Variants in WDR20 observed in about 807,000 individuals in gnomAD.
The protein encoded by WDR20 is WD repeat domain 20.
WDR20 carries 3 observed loss-of-function variants against 38.7 expected under a neutral mutation model. The observed-to-expected ratio is 0.08, with a 90% CI of 0.04 to 0.20. The LOEUF (loss-of-function observed/expected upper bound fraction) is 0.20, where lower values mean the gene tolerates loss of function less well. Among genes scored for constraint, WDR20 ranks in the 10% least tolerant of loss-of-function variants. The probability of loss-of-function intolerance (pLI) is 1.00; values close to 1 mark genes in which losing one functional copy is unlikely to be tolerated. For synonymous variants in WDR20, 298 were observed against 285.6 expected (o/e 1.04, Z -0.44); for missense variants, 559 against 727.7 (o/e 0.77, Z 2.67).
chr14:102,156,923 G>C (rs538297641), intron 1 of WDR20, among the ~76,000 whole-genome samples: 8 of 152,094 alleles, frequency 5.3e-5, no homozygotes, highest in Non-Finnish European at 1.0e-4. Flanking sequence ...CCTGGGAGGC[G>C]GAGGTTGAGT....
intron 1 of WDR20, among the ~76,000 whole-genome samples, chr14:102,151,822 C>G (rs1034406579): frequency 6.6e-6 from 1 of 151,816 alleles, no homozygotes; most frequent in Non-Finnish European, 1.5e-5. Flanking sequence ...TCACTGCAGC[C>G]TCAACCTTCT....
At chr14:102,151,220 T>C (rs2055716207) in intron 1 of WDR20, among the ~76,000 whole-genome samples, 2 of 145,742 alleles carry the variant, frequency 1.4e-5, no homozygotes, top group Admixed American at 1.4e-4. Flanking sequence ...GATTGTAGTG[T>C]GTCCACGGAT....
At chr14:102,157,025 G>T (rs1487669233) in intron 1 of WDR20, among the ~76,000 whole-genome samples, 1 of 152,086 alleles carries the variant, frequency 6.6e-6, no homozygotes, top group Non-Finnish European at 1.5e-5. Context: ...AATTATTGGG[G>T]CTGAGGTGGG....
chr14:102,147,456 G>A (rs1041594903), intron 1 of WDR20, among the ~76,000 whole-genome samples: 7 of 152,334 alleles, frequency 4.6e-5, no homozygotes, highest in East Asian at 1.9e-4. Flanking sequence ...ATGGAAGTCC[G>A]TGAGATAGTC....
In WDR20 at chr14:102,208,637, A is replaced by C. The variant is rs1417189567; in HGVS notation, c.467A>C (p.Lys156Thr). The change falls in exon 3 of 3, where the codon AAA (lysine) becomes ACA (threonine). Residue 156 changes from lysine to threonine, a missense_variant. Lys to Thr is a moderately conservative substitution (Grantham distance 78, BLOSUM62 -1). Coordinates refer to ENST00000342702, the MANE Select transcript of WDR20 (RefSeq NM_144574.4). The surrounding 1 kb of genome is among the most constrained non-coding windows in gnomAD (Gnocchi z 5.6). Reference sequence around the variant, plus strand: ...GACAAGTCACGAGTTACCTGTGTCAAATGGGTTCCCGGTTCGGAAAGCCTT... The same window carrying C: ...GACAAGTCACGAGTTACCTGTGTCACATGGGTTCCCGGTTCGGAAAGCCTT... Reference protein sequence around the residue: ...LIDKSRVTCVKWVPGSESLFL... With the variant: ...LIDKSRVTCVTWVPGSESLFL... 8 of 1,611,648 alleles carry C rather than the reference A, an allele frequency of 5.0e-6. No homozygotes were observed. The highest frequency in any genetic ancestry group is 6.8e-6 in the Non-Finnish European group (8 of 1,177,962).
upstream of WDR20, chr14:102,139,809 T>G (rs1595696187): frequency 3.5e-6 from 5 of 1,447,290 alleles, no homozygotes; most frequent in Non-Finnish European, 4.7e-6. Flanking sequence ...GGCCCGCGGG[T>G]GGGAGGGGCG....
intron 1 of WDR20, among the ~76,000 whole-genome samples, chr14:102,149,437 G>A (rs2054935257): frequency 6.6e-6 from 1 of 152,194 alleles, no homozygotes; most frequent in Non-Finnish European, 1.5e-5. Context: ...AAGTGGAAAA[G>A]TATTTCTCTG....
chr14:102,172,761 C>T (rs1411118816), intron 1 of WDR20, among the ~76,000 whole-genome samples: 2 of 150,554 alleles, frequency 1.3e-5, no homozygotes, highest in African/African-American at 4.9e-5. Flanking sequence ...GGAGACGCTC[C>T]TCACTTCCCA....
At chr14:102,195,156 T>A (rs955576609) in intron 2 of WDR20, 36 bp downstream of exon 2, 1 of 1,601,390 alleles carries the variant, frequency 6.2e-7, no homozygotes, top group Non-Finnish European at 8.5e-7. Context: ...TAAGAATCCC[T>A]TTAAGAGTTG....
At chr14:102,186,810 G>A (rs1213952738) in intron 1 of WDR20, among the ~76,000 whole-genome samples, 2 of 152,118 alleles carry the variant, frequency 1.3e-5, no homozygotes, top group African/African-American at 2.4e-5. Context: ...AATTAGCCGG[G>A]GTGGTGGGGG....
intron 1 of WDR20, among the ~76,000 whole-genome samples, chr14:102,147,857 A>T (rs2054229630): frequency 6.6e-6 from 1 of 152,114 alleles, no homozygotes; most frequent in African/African-American, 2.4e-5. Flanking sequence ...CAGCCTCCCG[A>T]GTAACTGGGA....
chr14:102,177,034 T>TTACCATTTC (rs2062292232), intron 1 of WDR20, among the ~76,000 whole-genome samples: 2 of 152,200 alleles, frequency 1.3e-5, no homozygotes, highest in South Asian at 4.1e-4. Flanking sequence ...CACCTTGCAG[T>TTACCATTTC]TACCATTTCT....
chr14:102,185,281 C>G (rs1241639075), intron 1 of WDR20, among the ~76,000 whole-genome samples: 1 of 152,098 alleles, frequency 6.6e-6, no homozygotes, highest in East Asian at 1.9e-4. Context: ...TCTGCTGGGA[C>G]TTATATTATT....
intron 1 of WDR20, among the ~76,000 whole-genome samples, chr14:102,140,731 G>T (rs1281754142): frequency 1.3e-5 from 2 of 152,202 alleles, no homozygotes; most frequent in Non-Finnish European, 2.9e-5. Flanking sequence ...GCCTCTCCTG[G>T]TGTTAACATT....
chr14:102,191,560 A>G (rs772168763), intron 1 of WDR20, among the ~76,000 whole-genome samples: 17 of 152,166 alleles, frequency 1.1e-4, no homozygotes, highest in African/African-American at 3.4e-4. Context: ...GCCTTTCTCT[A>G]TCTGGGGTGG....
intron 1 of WDR20, among the ~76,000 whole-genome samples, chr14:102,143,374 A>G (rs375913732): frequency 2.1e-5 from 1 of 46,860 alleles, no homozygotes; most frequent in Non-Finnish European, 6.2e-5. Flanking sequence ...TAGTTTTGCA[A>G]ATTTATTTAA....
At position 102,208,893 on chromosome 14, in the gene WDR20, C is replaced by T. The variant is rs762032470; in HGVS notation, c.723C>T (p.Asp241=). The change falls in exon 3 of 3, where the codon GAC becomes GAT. Residue 241 remains aspartate, a synonymous_variant. Coordinates refer to ENST00000342702, the MANE Select transcript of WDR20 (RefSeq NM_144574.4). The surrounding 1 kb of genome is among the most constrained non-coding windows in gnomAD (Gnocchi z 5.6). ...AGTTCTTAGCGTGCGTGAGCCAGGA[C>T]GGGTTTCTGCGGGTGTTCAACTTTG... ...DGKFLACVSQ[D]GFLRVFNFDS... is the part of the protein sequence containing the mutation. 29 of 1,614,212 alleles carry T rather than the reference C, an allele frequency of 1.8e-5. No homozygotes were observed. Among genetic ancestry groups the T allele is most frequent in the South Asian group, 3.3e-5 (3 of 91,088 alleles).
rs2063844644 is a variant in WDR20 at position 102,221,148 on chromosome 14, A to G, written c.1693-1682A>G. Among the ~76,000 whole-genome samples the G allele has an allele frequency of 6.6e-6, 1 of 152,094 alleles. No homozygotes were observed. The highest frequency in any genetic ancestry group is 1.5e-5 in the Non-Finnish European group (1 of 68,014). On this transcript the variant is annotated intron_variant, in intron 3 of 3. Coordinates refer to the WDR20 transcript ENST00000335263. This position sits in a 1 kb window ranked among gnomAD's most constrained non-coding sequence, Gnocchi z 4.8. ...GGGGCTGCCTCCTACCTGGAGCAGC[A>G]CTCACCTCCACCTGGCACTCCGTGA...
intron 2 of WDR20, among the ~76,000 whole-genome samples, chr14:102,205,707 C>T (rs886486162): frequency 2.0e-5 from 3 of 151,980 alleles, no homozygotes; most frequent in South Asian, 2.1e-4. Flanking sequence ...CAGAGAAGCA[C>T]GTGTTTTCCC....
Sources: gnomAD v4.1 joint callset for allele counts (sites outside exome capture counted in the v4.1 genomes callset) on GRCh38, gnomAD v4.1.1 for gene constraint, Gnocchi (gnomAD v3.1) non-coding constraint, MANE v1.5 for transcripts, NCBI Gene and HGNC (gene_info 2026-07-23, HGNC 2026-07-21) for gene names.